RSRC1: variants seen among roughly 807,000 people sequenced by gnomAD.
RSRC1 encodes the protein arginine and serine rich coiled-coil 1.
A neutral mutation model predicts 49.1 loss-of-function variants in RSRC1; 39 were observed. The observed-to-expected ratio is 0.79, with a 90% CI of 0.61 to 1.04. The LOEUF (loss-of-function observed/expected upper bound fraction) is 1.04, where lower values mean the gene tolerates loss of function less well. Among genes scored for constraint, RSRC1 ranks in the 50% least tolerant of loss-of-function variants. The pLI, the probability that RSRC1 is intolerant of heterozygous loss-of-function variation, is 0.00. For synonymous variants in RSRC1, 143 were observed against 130.8 expected (o/e 1.09, Z -0.63); for missense variants, 388 against 402.4 (o/e 0.96, Z 0.31).
At chr3:158,507,542 C>G (rs1339386687) in intron 7 of RSRC1, among the ~76,000 whole-genome samples, 1 of 151,962 alleles carries the variant, frequency 6.6e-6, no homozygotes, top group Non-Finnish European at 1.5e-5. Context: ...TTGTTCAGGG[C>G]TCACAGGGCA....
intron 3 of RSRC1, among the ~76,000 whole-genome samples, chr3:158,147,116 T>TC (rs1211699730): frequency 6.9e-6 from 1 of 145,514 alleles, no homozygotes; most frequent in Non-Finnish European, 1.5e-5. Context: ...TTTTTTTTTT[T>TC]TTTTTTTTTT....
chr3:158,439,331 T>G (rs1247031180), intron 6 of RSRC1, among the ~76,000 whole-genome samples: 1 of 152,278 alleles, frequency 6.6e-6, no homozygotes, highest in Non-Finnish European at 1.5e-5. Flanking sequence ...CCCAAAGGAC[T>G]ATAAATCATG....
At chr3:158,342,860 A>T (rs1302870338) in intron 5 of RSRC1, among the ~76,000 whole-genome samples, 1 of 152,206 alleles carries the variant, frequency 6.6e-6, no homozygotes, top group Non-Finnish European at 1.5e-5. Context: ...AAATGAGGTG[A>T]TTCCTATGAT....
chr3:158,237,679 A>G (rs1723316630), intron 4 of RSRC1, among the ~76,000 whole-genome samples: 1 of 152,140 alleles, frequency 6.6e-6, no homozygotes, highest in South Asian at 2.1e-4. Flanking sequence ...AAAATGGTTC[A>G]CCATATCAGC....
intron 3 of RSRC1, among the ~76,000 whole-genome samples, chr3:158,182,240 G>A (rs1411990786): frequency 6.6e-6 from 1 of 152,234 alleles, no homozygotes; most frequent in East Asian, 1.9e-4. Context: ...AAGGCCAAAC[G>A]TCAGGAAGAT....
chr3:158,472,634 G>A (rs1241673191), intron 7 of RSRC1, among the ~76,000 whole-genome samples: 1 of 152,110 alleles, frequency 6.6e-6, no homozygotes, highest in Admixed American at 6.6e-5. Flanking sequence ...CTGCATAAAT[G>A]TCTTCTTTTG....
chr3:158,438,225 T>C (rs1736158112), intron 6 of RSRC1, among the ~76,000 whole-genome samples: 1 of 152,116 alleles, frequency 6.6e-6, no homozygotes, highest in African/African-American at 2.4e-5. Context: ...ATCAATGTCA[T>C]GAAAATGGCC....
At chr3:158,321,174 C>T (rs139680722) in intron 5 of RSRC1, among the ~76,000 whole-genome samples, 17 of 149,748 alleles carry the variant, frequency 1.1e-4, no homozygotes, top group African/African-American at 3.9e-4. Flanking sequence ...CATGCCTCAC[C>T]CTCAACCTCT....
intron 5 of RSRC1, among the ~76,000 whole-genome samples, chr3:158,308,995 A>G (rs1189993567): frequency 6.6e-6 from 1 of 151,948 alleles, no homozygotes; most frequent in Non-Finnish European, 1.5e-5. Flanking sequence ...AGAGCTGTAC[A>G]TATGTAATGG....
At chr3:158,153,810 A>G (rs1416320032) in intron 3 of RSRC1, among the ~76,000 whole-genome samples, 1 of 147,340 alleles carries the variant, frequency 6.8e-6, no homozygotes, top group East Asian at 2.0e-4. Context: ...TGTTTTTGAG[A>G]GTCTTGATTG....
At chr3:158,275,597 A>G (rs978745761) in intron 4 of RSRC1, among the ~76,000 whole-genome samples, 2 of 152,190 alleles carry the variant, frequency 1.3e-5, no homozygotes, top group African/African-American at 4.8e-5. Flanking sequence ...ATAATTCCCT[A>G]ATAAGATAAA....
chr3:158,285,304 G>A (rs1344530653), intron 4 of RSRC1, among the ~76,000 whole-genome samples: 2 of 152,140 alleles, frequency 1.3e-5, no homozygotes, highest in East Asian at 1.9e-4. Flanking sequence ...TAGCCTTGTC[G>A]TATAGTTTGA....
chr3:158,542,649 G>A (rs1319764992), intron 8 of RSRC1, among the ~76,000 whole-genome samples: 1 of 152,194 alleles, frequency 6.6e-6, no homozygotes, highest in African/African-American at 2.4e-5. Flanking sequence ...AAGATTAATT[G>A]TTACCTAGGA....
intron 3 of RSRC1, among the ~76,000 whole-genome samples, chr3:158,164,378 T>C (rs185594640): frequency 2.4e-4 from 36 of 152,182 alleles, no homozygotes; most frequent in Admixed American, 2.2e-3. Flanking sequence ...GTTTTTGTTA[T>C]TCATATAAAA....
intron 4 of RSRC1, among the ~76,000 whole-genome samples, chr3:158,253,959 CCT>C (rs1724376848): frequency 6.6e-6 from 1 of 152,128 alleles, no homozygotes; most frequent in African/African-American, 2.4e-5. Context: ...TGTTCCCCGC[CCT>C]GTGTCCAAGT....
At chr3:158,118,193 G>C (rs1394261865) in intron 1 of RSRC1, among the ~76,000 whole-genome samples, 2 of 152,084 alleles carry the variant, frequency 1.3e-5, no homozygotes, top group African/African-American at 4.8e-5. Flanking sequence ...CAAGTGATCT[G>C]TTTGCCTTGG....
intron 7 of RSRC1, among the ~76,000 whole-genome samples, chr3:158,473,414 C>CA (rs1279542481): frequency 6.6e-6 from 1 of 151,642 alleles, no homozygotes; most frequent in East Asian, 1.9e-4. Flanking sequence ...ATCGCAAGGA[C>CA]AAAAAACCAA....
chr3:158,145,361 T>C (rs1052820719), intron 3 of RSRC1, among the ~76,000 whole-genome samples: 8 of 152,238 alleles, frequency 5.3e-5, no homozygotes, highest in Non-Finnish European at 1.2e-4. Context: ...GCTAGCCAGT[T>C]TTCCCAGCAC....
At chr3:158,398,136 T>G (rs960672531) in intron 6 of RSRC1, among the ~76,000 whole-genome samples, 1 of 152,072 alleles carries the variant, frequency 6.6e-6, no homozygotes, top group East Asian at 1.9e-4. Flanking sequence ...GAGGGGTATG[T>G]CAGGCTCAGG....
Sources: allele counts gnomAD v4.1 joint callset (sites outside exome capture counted in the v4.1 genomes callset), GRCh38; gene constraint gnomAD v4.1.1; transcripts MANE v1.5; gene names NCBI Gene and HGNC (gene_info 2026-07-23, HGNC 2026-07-21).